Variants in AGTR1 observed in about 807,000 individuals in gnomAD.
AGTR1 encodes angiotensin II receptor type 1.
In AGTR1, 16 loss-of-function variants were observed where a neutral mutation model predicts 19.4. That is an observed-to-expected ratio of 0.82 (90% CI 0.56 to 1.25). The LOEUF (loss-of-function observed/expected upper bound fraction) is 1.25. Ranked by LOEUF, AGTR1 falls within the 50% of genes most tolerant of loss-of-function variation. The pLI is 0.00. For synonymous variants in AGTR1, 153 were observed against 154.9 expected (o/e 0.99, Z 0.09); for missense variants, 373 against 431.9 (o/e 0.86, Z 1.21).
chr3:148,720,922 G>A lies in AGTR1; in HGVS notation c.-48+12895G>A, dbSNP rs563987197. Among the ~76,000 whole-genome samples the A allele has an allele frequency of 7.1e-4, 108 of 152,280 alleles. 1 individual carries two copies. The highest frequency in any genetic ancestry group is 6.8e-3 in the Middle Eastern group (2 of 294). ...GAAAAGGATTATTTTAAATTAAGGT[G>A]TAAATAAGAACAAATGAGATTTTTA... On this transcript the variant is annotated intron_variant, in intron 2 of 2. Coordinates refer to ENST00000349243, the MANE Select transcript of AGTR1 (RefSeq NM_000685.5).
chr3:148,733,791 G>A (rs1301265500), intron 2 of AGTR1, among the ~76,000 whole-genome samples: 1 of 152,152 alleles, frequency 6.6e-6, no homozygotes, highest in East Asian at 1.9e-4. Context: ...GAGGACAGGG[G>A]TTCATTTACT....
In AGTR1 at chr3:148,709,955, G is replaced by GGTA. The variant is rs377254710; in HGVS notation, c.-48+1930_-48+1932dup. ...TTTATAGACCTGCATCATCCATTATGGTAGCCATTTACTATATGTGGCTAT... is the reference window on the plus strand; with the variant it reads ...TTTATAGACCTGCATCATCCATTATGGTAGTAGCCATTTACTATATGTGGCTAT... On this transcript the variant is annotated intron_variant, in intron 2 of 2. Coordinates refer to ENST00000349243, the MANE Select transcript of AGTR1 (RefSeq NM_000685.5). Among the ~76,000 whole-genome samples, 887 of 152,154 alleles carry GGTA rather than the reference G, an allele frequency of 5.8e-3. 8 individuals carry two copies. Among genetic ancestry groups the GGTA allele is most frequent in the African/African-American group, 0.021 (858 of 41,518 alleles).
chr3:148,714,265 C>A (rs4681441), intron 2 of AGTR1, among the ~76,000 whole-genome samples: 44,003 of 151,864 alleles, frequency 0.29, 9,441 homozygotes, highest in African/African-American at 0.61. Flanking sequence ...AGAACAATCA[C>A]GTAAAATTTA....
In AGTR1 at chr3:148,716,499, C is replaced by T. The variant is rs1713310669; in HGVS notation, c.-48+8472C>T. 1.3e-5 allele frequency among the ~76,000 whole-genome samples: 2 copies of T among 152,056 alleles called. No homozygotes were observed. The highest frequency in any genetic ancestry group is 6.6e-5 in the Admixed American group (1 of 15,258). ...TTTATAACTATACAGGAATTTATTT[C>T]CCAGTACCTTCTATATTACTAACAT... On this transcript the variant is annotated intron_variant, in intron 2 of 2. Coordinates refer to ENST00000349243, the MANE Select transcript of AGTR1 (RefSeq NM_000685.5). This position sits in a 1 kb window ranked among gnomAD's most constrained non-coding sequence, Gnocchi z 4.7.
At position 148,742,310 on chromosome 3, in the gene AGTR1, A is replaced by G; in HGVS notation, c.*195A>G. 1 of 819,074 alleles carries G rather than the reference A, an allele frequency of 1.2e-6. No individual in the cohort carries two copies. Among genetic ancestry groups the G allele is most frequent in the South Asian group, 1.4e-5 (1 of 70,464 alleles). The allele number at this position is 819,074 out of a possible 1,614,324, so 50.7% of individuals were successfully genotyped here. A position where few individuals can be genotyped will look rare whatever the true frequency, so the allele number is the denominator to read the frequency against. ...TTCCTTTTGCAACAAGACAAAGCAA[A>G]GCCACATTTTGCATTAGACAGATGA... On this transcript the variant is annotated 3_prime_UTR_variant, in exon 3 of 3. Transcript: ENST00000349243.
chr3:148,731,858 C>T (rs1714276583), intron 2 of AGTR1, among the ~76,000 whole-genome samples: 1 of 152,204 alleles, frequency 6.6e-6, no homozygotes, highest in Middle Eastern at 3.4e-3. Context: ...ATAATGCATA[C>T]AAAACTGTGA....
intron 2 of AGTR1, among the ~76,000 whole-genome samples, chr3:148,740,533 G>T (rs1462560836): frequency 1.3e-5 from 2 of 152,296 alleles, no homozygotes; most frequent in African/African-American, 2.4e-5. Flanking sequence ...TGAGAGGAAA[G>T]AAATGGTTTA....
At chr3:148,706,973 A>G (rs939414076) in intron 1 of AGTR1, among the ~76,000 whole-genome samples, 3 of 152,072 alleles carry the variant, frequency 2.0e-5, no homozygotes, top group African/African-American at 7.2e-5. Context: ...CATTCATATA[A>G]GTACAAAAGT....
Position 148,716,624 on chromosome 3 carries a change from A to G in AGTR1, c.-48+8597A>G, listed in dbSNP as rs1326971977. ...CATTCCTAATTAAAAAAAATAAGCTAGTTCATCACAACTTCCTTCAAATCC... is the reference window on the plus strand; with the variant it reads ...CATTCCTAATTAAAAAAAATAAGCTGGTTCATCACAACTTCCTTCAAATCC... On this transcript the variant is annotated intron_variant, in intron 2 of 2. Coordinates refer to ENST00000349243, the MANE Select transcript of AGTR1 (RefSeq NM_000685.5). This position sits in a 1 kb window ranked among gnomAD's most constrained non-coding sequence, Gnocchi z 4.7. Among the ~76,000 whole-genome samples the G allele has an allele frequency of 6.6e-6, 1 of 152,154 alleles. No individual in the cohort carries two copies. The highest frequency in any genetic ancestry group is 1.5e-5 in the Non-Finnish European group (1 of 68,032).
intron 2 of AGTR1, among the ~76,000 whole-genome samples, chr3:148,708,318 A>G (rs1194417981): frequency 1.3e-5 from 2 of 152,148 alleles, no homozygotes; most frequent in Non-Finnish European, 2.9e-5. Flanking sequence ...ACATGGCCAC[A>G]GGTGATTCCT....
chr3:148,741,440 G>A lies in AGTR1; in HGVS notation c.405G>A (p.Lys135=). ...DRYLAIVHPM[K]SRLRRTMLVA... ...ACCTGGCTATTGTTCACCCAATGAAGTCCCGCCTTCGACGCACAATGCTTG... is the reference window on the plus strand; with the variant it reads ...ACCTGGCTATTGTTCACCCAATGAAATCCCGCCTTCGACGCACAATGCTTG... The change falls in exon 3 of 3, where the codon AAG becomes AAA. Residue 135 remains lysine (K), a synonymous_variant. Transcript: ENST00000349243. 1 of 1,608,460 alleles carries A rather than the reference G, an allele frequency of 6.2e-7. No individual in the cohort carries two copies. The highest frequency in any genetic ancestry group is 8.5e-7 in the Non-Finnish European group (1 of 1,179,784).
chr3:148,719,293 G>GAA (rs3836280), intron 2 of AGTR1, among the ~76,000 whole-genome samples: 12 of 150,788 alleles, frequency 8.0e-5, no homozygotes, highest in South Asian at 2.1e-4. Context: ...TATTTCATAG[G>GAA]AAAAAAAAAG....
At chr3:148,707,671 C>T (rs1320025227) in intron 1 of AGTR1, among the ~76,000 whole-genome samples, 1 of 152,070 alleles carries the variant, frequency 6.6e-6, no homozygotes, top group African/African-American at 2.4e-5. Flanking sequence ...CACTATTTTA[C>T]CCTAAAACGT....
intron 2 of AGTR1, among the ~76,000 whole-genome samples, chr3:148,714,804 G>A (rs1713195910): frequency 6.6e-6 from 1 of 152,014 alleles, no homozygotes; most frequent in Non-Finnish European, 1.5e-5. Flanking sequence ...GGTGCTTTTG[G>A]TATACTTCAA....
At position 148,740,960 on chromosome 3, in the gene AGTR1, C is replaced by A. The variant is rs1288505296; in HGVS notation, c.-47-29C>A. On this transcript the variant is annotated intron_variant, in intron 2 of 2. Transcript: ENST00000349243. ...TGTTTGTTTACAATAAGAATTTTTT[C>A]TTTACCATTTTATTTTTATTTTCCC... is the stretch of plus-strand genomic sequence containing the variant. 1.1e-5 allele frequency: 18 copies of A among 1,577,310 alleles called. No individual in the cohort carries two copies. In the Admixed American group the frequency reaches 2.5e-4, roughly 22 times the overall value.
intron 2 of AGTR1, among the ~76,000 whole-genome samples, chr3:148,719,215 T>C (rs1713470310): frequency 6.6e-6 from 1 of 152,090 alleles, no homozygotes; most frequent in South Asian, 2.1e-4. Flanking sequence ...GAAAAGGAAA[T>C]TGCGCAGAAA....
intron 2 of AGTR1, among the ~76,000 whole-genome samples, chr3:148,726,163 A>C (rs1713919656): frequency 6.6e-6 from 1 of 151,962 alleles, no homozygotes; most frequent in Admixed American, 6.6e-5. Flanking sequence ...AGAATCCCCC[A>C]ATTCTAGTTC....
At chr3:148,724,050 T>C (rs2107951458) in intron 2 of AGTR1, among the ~76,000 whole-genome samples, 1 of 152,214 alleles carries the variant, frequency 6.6e-6, no homozygotes, top group Admixed American at 6.5e-5. Context: ...GTGTTGGGTT[T>C]TAAAATATAT....
intron 1 of AGTR1, among the ~76,000 whole-genome samples, chr3:148,703,473 G>A (rs1438899846): frequency 1.3e-5 from 2 of 152,158 alleles, no homozygotes; most frequent in Non-Finnish European, 2.9e-5. Flanking sequence ...CTTAACTAAC[G>A]TTTTTAATAA....
Sources: allele counts gnomAD v4.1 joint callset (sites outside exome capture counted in the v4.1 genomes callset), GRCh38; gene constraint gnomAD v4.1.1; non-coding constraint Gnocchi (gnomAD v3.1); transcripts MANE v1.5; gene names NCBI Gene and HGNC (gene_info 2026-07-23, HGNC 2026-07-21).